DNAH11: variants seen among roughly 807,000 people sequenced by gnomAD.
DNAH11 encodes the protein dynein axonemal heavy chain 11.
In DNAH11, 442 loss-of-function variants were observed where a neutral mutation model predicts 526.0. The observed-to-expected ratio is 0.84, with a 90% CI of 0.78 to 0.91. The LOEUF (loss-of-function observed/expected upper bound fraction) is 0.91, where lower values mean the gene tolerates loss of function less well. DNAH11 is among the 40% of genes least tolerant of loss of function. The pLI, the probability that DNAH11 is intolerant of heterozygous loss-of-function variation, is 0.00. For missense variants in DNAH11, 6,989 were observed against 5,448.7 expected (o/e 1.28, Z -8.90); for synonymous variants, 2,461 against 1,935.9 (o/e 1.27, Z -7.12).
intron 33 of DNAH11, 25 bp from the exon 34 acceptor site, chr7:21,687,357 C>T: frequency 6.3e-7 from 1 of 1,591,660 alleles, no homozygotes; most frequent in Non-Finnish European, 8.6e-7. Context: ...CTGTTAAATT[C>T]TGAGTGCCTC....
At chr7:21,782,380 C>T (rs1357691233) in intron 57 of DNAH11, among the ~76,000 whole-genome samples, 1 of 152,204 alleles carries the variant, frequency 6.6e-6, no homozygotes, top group Non-Finnish European at 1.5e-5. Context: ...AAATTGTACA[C>T]TGGCTTAACA....
chr7:21,901,070 C>G lies in DNAH11; in HGVS notation c.13367C>G (p.Pro4456Arg). 6.2e-7 allele frequency: 1 copy of G among 1,613,916 alleles called. No individual in the cohort carries two copies. Among genetic ancestry groups the G allele is most frequent in the Non-Finnish European group, 8.5e-7 (1 of 1,179,816 alleles). The change falls in exon 82 of 82, where the codon CCT becomes CGT. Residue 4456 changes from proline to arginine, a missense_variant. Pro to Arg is a moderately radical substitution (Grantham distance 103, BLOSUM62 -2). Transcript: ENST00000409508. ...GCCCGTCTCAAGGAGCTGGCATGCCCTATGCCGGTCATCTTTGCAAAAGCC... is the reference window on the plus strand; with the variant it reads ...GCCCGTCTCAAGGAGCTGGCATGCCGTATGCCGGTCATCTTTGCAAAAGCC... ...VEARLKELAC[P>R]MPVIFAKATP...
At chr7:21,560,175 C>T (rs1783396551) in intron 4 of DNAH11, among the ~76,000 whole-genome samples, 1 of 152,140 alleles carries the variant, frequency 6.6e-6, no homozygotes, top group African/African-American at 2.4e-5. Context: ...GGGTGCTTGC[C>T]ATACAAATTA....
rs752717335 is a variant in DNAH11, at chr7:21,749,770, C to T, written c.8766C>T (p.Phe2922=). The T allele has an allele frequency of 1.4e-5, 23 of 1,613,852 alleles. No homozygotes were observed. Among genetic ancestry groups the T allele is most frequent in the South Asian group, 1.2e-4 (11 of 91,072 alleles). Residue 2922 remains phenylalanine, a synonymous_variant, in exon 53 of 82, where the codon TTC becomes TTT. Coordinates refer to ENST00000409508, the MANE Select transcript of DNAH11 (RefSeq NM_001277115.2). The part of the protein sequence containing the change: ...LTDAQVLDES[F]LVLINDLLAS... The stretch of plus-strand genomic sequence containing the variant: ...ATGCCCAGGTTCTAGATGAGAGCTT[C>T]CTCGTGCTGATTAATGACTTGCTGG...
intron 54 of DNAH11, among the ~76,000 whole-genome samples, chr7:21,753,839 C>G: frequency 6.6e-6 from 1 of 152,184 alleles, no homozygotes; most frequent in Non-Finnish European, 1.5e-5. Context: ...AAATTCTAAA[C>G]ACACTCCATG....
chr7:21,619,095 A>G lies in DNAH11; in HGVS notation c.4255-5A>G, dbSNP rs753521886. ...ATAAAGTCTAACTTTTTTTCCCCCA[A>G]TCAGGTCAAGTTTTTAATAAATGAA... is the stretch of plus-strand genomic sequence containing the variant. On this transcript the variant is annotated splice_region_variant and splice_polypyrimidine_tract_variant and intron_variant, in intron 23 of 81. Coordinates refer to ENST00000409508, the MANE Select transcript of DNAH11 (RefSeq NM_001277115.2). The G allele has an allele frequency of 3.1e-6, 5 of 1,613,048 alleles. No homozygotes were observed. The highest frequency in any genetic ancestry group is 4.2e-6 in the Non-Finnish European group (5 of 1,179,488).
intron 36 of DNAH11, among the ~76,000 whole-genome samples, chr7:21,699,286 G>C (rs538235374): frequency 6.6e-6 from 1 of 152,196 alleles, no homozygotes; most frequent in Non-Finnish European, 1.5e-5. Flanking sequence ...AAATGGGTCA[G>C]ATTTACATAC....
chr7:21,821,097 T>C (rs1041828860), intron 65 of DNAH11, among the ~76,000 whole-genome samples: 1 of 152,152 alleles, frequency 6.6e-6, no homozygotes, highest in Non-Finnish European at 1.5e-5. Context: ...TTGGATATTA[T>C]GGTGGGGAAA....
At chr7:21,567,578 G>T (rs1783719831) in intron 6 of DNAH11, among the ~76,000 whole-genome samples, 1 of 152,194 alleles carries the variant, frequency 6.6e-6, no homozygotes. Flanking sequence ...CCCCACAGGC[G>T]CAGCCAGTGA....
intron 66 of DNAH11, among the ~76,000 whole-genome samples, chr7:21,850,616 T>TC (rs1177546031): frequency 1.6e-4 from 24 of 146,614 alleles, no homozygotes; most frequent in Non-Finnish European, 3.5e-4. Flanking sequence ...TTCTTTTTTT[T>TC]TTTTTTTTTT....
At chr7:21,606,383 T>C (rs981758863) in intron 18 of DNAH11, 43 bp from the exon 19 acceptor site, 2 of 1,457,180 alleles carry the variant, frequency 1.4e-6, no homozygotes, top group African/African-American at 1.4e-5. Context: ...TGATTTGTTT[T>C]AGGAATTGAA....
chr7:21,759,694 T>C (rs1786811335), intron 54 of DNAH11, among the ~76,000 whole-genome samples: 2 of 151,428 alleles, frequency 1.3e-5, no homozygotes, highest in Admixed American at 6.6e-5. Context: ...GGAAAAAAAA[T>C]ACAGAGTGAC....
rs757861843 is a variant in DNAH11, at chr7:21,892,455, T to C, written c.12538T>C (p.Phe4180Leu). 8 of 1,612,234 alleles carry C rather than the reference T, an allele frequency of 5.0e-6. No individual in the cohort carries two copies. In the South Asian group the frequency reaches 8.8e-5, roughly 18 times the overall value. ...TEDELMLAPG[F>L]AAPPYLDYAG... is the part of the protein sequence containing the mutation. ...AGATGAACTGATGCTGGCACCAGGT[T>C]TTGCTGCCCCACCCTACCTAGATTA... The change falls in exon 77 of 82, where the codon TTT (phenylalanine) becomes CTT (leucine). Residue 4180 changes from phenylalanine to leucine, a missense_variant. By Grantham distance (22) the Phe-to-Leu change is conservative (BLOSUM62 0). Coordinates refer to ENST00000409508, the MANE Select transcript of DNAH11 (RefSeq NM_001277115.2).
chr7:21,552,934 T>A (rs932966114), intron 2 of DNAH11, among the ~76,000 whole-genome samples: 1 of 152,112 alleles, frequency 6.6e-6, no homozygotes, highest in African/African-American at 2.4e-5. Flanking sequence ...ATTGCACCAA[T>A]CTGAACGACC....
Position 21,599,893 on chromosome 7 carries a change from A to T in DNAH11, c.2774A>T (p.His925Leu), listed in dbSNP as rs759163666. The change falls in exon 15 of 82, where the codon CAC (histidine) becomes CTC (leucine). Residue 925 changes from histidine to leucine, a missense_variant. His to Leu is a moderately conservative substitution (Grantham distance 99). Coordinates refer to ENST00000409508, the MANE Select transcript of DNAH11 (RefSeq NM_001277115.2). ...GAAGGCTTTTTTCAGGCTATAATGC[A>T]CGACTTAGACTTCTTTCTGAAGAAT... ...VVEGFFQAIM[H>L]DLDFFLKNTE... is the part of the protein sequence containing the mutation. 4 of 1,613,518 alleles carry T rather than the reference A, an allele frequency of 2.5e-6. No individual in the cohort carries two copies. The highest frequency in any genetic ancestry group is 3.4e-6 in the Non-Finnish European group (4 of 1,179,654).
Position 21,852,577 on chromosome 7 carries a change from A to G in DNAH11, c.11007A>G (p.Lys3669=), listed in dbSNP as rs775506714. 4.3e-6 allele frequency: 7 copies of G among 1,609,846 alleles called. No individual in the cohort carries two copies. The highest frequency in any genetic ancestry group is 1.1e-5 in the South Asian group (1 of 89,776). Residue 3669 remains lysine (K), a synonymous_variant, in exon 67 of 82, where the codon AAA becomes AAG. Coordinates refer to ENST00000409508, the MANE Select transcript of DNAH11 (RefSeq NM_001277115.2). ...AAEGSFLDDT[K]LVERLEATKT... ...AGGGAAGCTTTCTGGATGACACCAA[A>G]CTGGTAGAGAGATTGGAGGCAACAA...
At chr7:21,719,959 T>C (rs942442110) in intron 43 of DNAH11, among the ~76,000 whole-genome samples, 1 of 152,234 alleles carries the variant, frequency 6.6e-6, no homozygotes, top group African/African-American at 2.4e-5. Flanking sequence ...TTATTTCACA[T>C]GGTGAAGGCC....
At chr7:21,558,761 A>C (rs1277996438) in intron 2 of DNAH11, 41 bp from the exon 3 acceptor site, 8 of 1,457,222 alleles carry the variant, frequency 5.5e-6, no homozygotes, top group Non-Finnish European at 7.4e-6. Flanking sequence ...GAAGGAATGC[A>C]TTGTCTGTAA....
chr7:21,715,863 C>CG (rs1361812062), intron 42 of DNAH11, among the ~76,000 whole-genome samples: 12 of 59,784 alleles, frequency 2.0e-4, no homozygotes, highest in African/African-American at 9.8e-4. Context: ...ATTTCCCCCT[C>CG]CCACCCCCAC....
Sources: gnomAD v4.1 joint callset for allele counts (sites outside exome capture counted in the v4.1 genomes callset) on GRCh38, gnomAD v4.1.1 for gene constraint, MANE v1.5 for transcripts, NCBI Gene and HGNC (gene_info 2026-07-23, HGNC 2026-07-21) for gene names.